The following AP3B1 variants were observed in gnomAD, a reference collection of about 807,000 sequenced individuals.
AP3B1 encodes AP-3 complex subunit beta-1.
AP3B1 carries 61 observed loss-of-function variants against 132.5 expected under a neutral mutation model. That is an observed-to-expected ratio of 0.46 (90% CI 0.37 to 0.57). The LOEUF (loss-of-function observed/expected upper bound fraction) is 0.57, where lower values mean the gene tolerates loss of function less well. AP3B1 is among the 20% of genes least tolerant of loss of function. AP3B1 has a pLI of 0.00. For missense variants in AP3B1, 1,120 were observed against 1,289.4 expected (o/e 0.87, Z 2.01); for synonymous variants, 388 against 438.3 (o/e 0.89, Z 1.43).
intron 16 of AP3B1, 86 bp downstream of exon 16, chr5:78,129,035 G>A (rs898392352): frequency 9.1e-7 from 1 of 1,104,276 alleles, no homozygotes; most frequent in South Asian, 1.5e-5. Flanking sequence ...TTTCCTAAGA[G>A]ATAAATTTTA....
chr5:78,173,500 A>G (rs1183446660), intron 11 of AP3B1, among the ~76,000 whole-genome samples: 1 of 151,644 alleles, frequency 6.6e-6, no homozygotes, highest in Non-Finnish European at 1.5e-5. Flanking sequence ...TGATCCCTTT[A>G]CCATTATGTA....
At chr5:78,096,253 T>G (rs1316709041) in intron 21 of AP3B1, among the ~76,000 whole-genome samples, 1 of 152,226 alleles carries the variant, frequency 6.6e-6, no homozygotes, top group East Asian at 1.9e-4. Flanking sequence ...CCGCGAGTGA[T>G]CCGCCAGCCT....
At chr5:78,174,676 G>A (rs1423580244) in intron 11 of AP3B1, among the ~76,000 whole-genome samples, 2 of 152,218 alleles carry the variant, frequency 1.3e-5, no homozygotes, top group Non-Finnish European at 2.9e-5. Context: ...GGCTACACGG[G>A]GGTCAGGGAC....
intron 20 of AP3B1, among the ~76,000 whole-genome samples, chr5:78,106,979 A>G (rs889833577): frequency 2.6e-5 from 4 of 152,226 alleles, no homozygotes; most frequent in African/African-American, 9.6e-5. Flanking sequence ...GGAAGTAATT[A>G]ATATAAATGT....
chr5:78,040,323 T>A (rs1266729629), intron 22 of AP3B1, among the ~76,000 whole-genome samples: 2 of 152,210 alleles, frequency 1.3e-5, no homozygotes, highest in Non-Finnish European at 2.9e-5. Flanking sequence ...TGATTTTAAA[T>A]GCAAAAATTC....
intron 22 of AP3B1, among the ~76,000 whole-genome samples, chr5:78,081,645 G>A (rs1169062492): frequency 1.3e-5 from 2 of 152,010 alleles, no homozygotes; most frequent in Admixed American, 1.3e-4. Flanking sequence ...ACTATCCTTG[G>A]TTGTATTAAA....
At chr5:78,092,274 A>C (rs1020936027) in intron 21 of AP3B1, among the ~76,000 whole-genome samples, 2 of 152,212 alleles carry the variant, frequency 1.3e-5, no homozygotes, top group African/African-American at 4.8e-5. Context: ...CACCACAAGC[A>C]AGTTCTGCTG....
chr5:78,212,033 A>G (rs958006037), intron 7 of AP3B1, among the ~76,000 whole-genome samples: 4 of 152,246 alleles, frequency 2.6e-5, no homozygotes, highest in African/African-American at 9.6e-5. Context: ...TAATCCCAGC[A>G]CTTTGGGAGG....
At chr5:78,071,789 T>C (rs1052565301) in intron 22 of AP3B1, among the ~76,000 whole-genome samples, 18 of 152,182 alleles carry the variant, frequency 1.2e-4, no homozygotes, top group Admixed American at 8.5e-4. Context: ...ATATTTCTAA[T>C]GTAAAAGACA....
chr5:78,158,735 C>T (rs1236312275), intron 13 of AP3B1, among the ~76,000 whole-genome samples: 2 of 148,586 alleles, frequency 1.3e-5, no homozygotes, highest in African/African-American at 2.5e-5. Context: ...TTGCTCTTGT[C>T]GCTGAGGCTG....
intron 1 of AP3B1, among the ~76,000 whole-genome samples, chr5:78,283,991 CCTAA>C (rs1193221382): frequency 6.6e-6 from 1 of 152,188 alleles, no homozygotes; most frequent in Non-Finnish European, 1.5e-5. Context: ...CTCATTTCCT[CCTAA>C]CTATGTGCTC....
intron 22 of AP3B1, among the ~76,000 whole-genome samples, chr5:78,082,451 GA>G (rs1281882795): frequency 6.6e-6 from 1 of 152,102 alleles, no homozygotes; most frequent in Non-Finnish European, 1.5e-5. Context: ...TACAGCTACA[GA>G]ATAGAATTCA....
intron 1 of AP3B1, among the ~76,000 whole-genome samples, chr5:78,274,379 C>T (rs890168771): frequency 6.7e-6 from 1 of 150,076 alleles, no homozygotes; most frequent in Non-Finnish European, 1.5e-5. Context: ...AAAAATAGAA[C>T]AGAGCATCAG....
At position 78,055,393 on chromosome 5, in the gene AP3B1, CA is replaced by C. The variant is rs370357174; in HGVS notation, c.2578-16120del. Among the ~76,000 whole-genome samples, 129 of 152,352 alleles carry C rather than the reference CA, an allele frequency of 8.5e-4. 1 individual carries two copies. The highest frequency in any genetic ancestry group is 3.0e-3 in the African/African-American group (126 of 41,584). ...ACTGGATTTTAAGTTAGAAGACCTT[CA>C]AGCTATTTGATGAGAAGAAAATCAT... On this transcript the variant is annotated intron_variant, in intron 22 of 26. Coordinates refer to ENST00000255194, the MANE Select transcript of AP3B1 (RefSeq NM_003664.5).
At chr5:78,205,870 T>TC (rs944247309) in intron 7 of AP3B1, among the ~76,000 whole-genome samples, 62 of 152,158 alleles carry the variant, frequency 4.1e-4, no homozygotes, top group Non-Finnish European at 1.5e-4. Flanking sequence ...AATTTTTTTT[T>TC]TTCAGAATAT....
intron 2 of AP3B1, among the ~76,000 whole-genome samples, chr5:78,254,748 C>T (rs982945538): frequency 6.6e-6 from 1 of 152,082 alleles, no homozygotes; most frequent in Non-Finnish European, 1.5e-5. Context: ...AAATAATCAC[C>T]TGAAGGTACA....
intron 7 of AP3B1, among the ~76,000 whole-genome samples, chr5:78,188,572 A>G (rs1255870920): frequency 2.6e-5 from 4 of 152,218 alleles, no homozygotes; most frequent in Non-Finnish European, 5.9e-5. Flanking sequence ...TTAAACACTC[A>G]AAAAACAGAC....
intron 1 of AP3B1, among the ~76,000 whole-genome samples, chr5:78,291,439 A>AC (rs60329260): frequency 5.3e-5 from 8 of 151,098 alleles, no homozygotes; most frequent in African/African-American, 1.7e-4. Flanking sequence ...AAAAAAAAAA[A>AC]CAGAAATGAC....
Position 78,138,517 on chromosome 5 carries a change from C to T in AP3B1, c.1650+2626G>A, listed in dbSNP as rs546137506. On this transcript the variant is annotated intron_variant, in intron 15 of 26. Transcript: ENST00000255194. ...TTCAGTTGCTAATTCTCTCAATCTC[C>T]TCTTCTTGAGAAATATTCAAAAACA... 7.4e-4 allele frequency among the ~76,000 whole-genome samples: 112 copies of T among 152,220 alleles called. 1 individual carries two copies. The highest frequency in any genetic ancestry group is 2.5e-3 in the African/African-American group (102 of 41,532).
Sources: gnomAD v4.1 joint callset for allele counts (sites outside exome capture counted in the v4.1 genomes callset) on GRCh38, gnomAD v4.1.1 for gene constraint, MANE v1.5 for transcripts, NCBI Gene and HGNC (gene_info 2026-07-23, HGNC 2026-07-21) for gene names.